The following ABI3BP variants were observed in gnomAD, a reference collection of about 807,000 sequenced individuals.
ABI3BP encodes target of Nesh-SH3.
A neutral mutation model predicts 268.6 loss-of-function variants in ABI3BP; 216 were observed. The observed-to-expected ratio is 0.80, with a 90% CI of 0.72 to 0.90. ABI3BP has a LOEUF of 0.90. ABI3BP is among the 40% of genes least tolerant of loss of function. The pLI is 0.00. For synonymous variants in ABI3BP, 730 were observed against 730.0 expected, an observed-to-expected ratio of 1.00 and a Z score of 0.00; for missense variants, 2,090 against 2,182.4, an observed-to-expected ratio of 0.96 and a Z score of 0.84.
intron 1 of ABI3BP, among the ~76,000 whole-genome samples, chr3:100,972,620 T>C (rs2084148478): frequency 6.6e-6 from 1 of 152,216 alleles, no homozygotes; most frequent in Admixed American, 6.5e-5. Context: ...GAGAGTGAAG[T>C]ATTTAAGTAC....
intron 48 of ABI3BP, among the ~76,000 whole-genome samples, chr3:100,810,746 T>C (rs1053621081): frequency 2.0e-5 from 3 of 152,076 alleles, no homozygotes; most frequent in African/African-American, 7.2e-5. Context: ...ATAGGAATCA[T>C]GAAGGGAAAA....
chr3:100,909,282 G>A (rs915971195), intron 2 of ABI3BP, among the ~76,000 whole-genome samples: 5 of 151,844 alleles, frequency 3.3e-5, no homozygotes, highest in African/African-American at 7.3e-5. Context: ...AGACTGAAAC[G>A]TAAGACCCAA....
intron 4 of ABI3BP, among the ~76,000 whole-genome samples, chr3:100,886,628 A>C (rs1342421649): frequency 6.6e-6 from 1 of 151,948 alleles, no homozygotes; most frequent in Non-Finnish European, 1.5e-5. Context: ...ACTAGAAAAA[A>C]CGTAGATATT....
intron 1 of ABI3BP, among the ~76,000 whole-genome samples, chr3:100,948,957 A>T (rs1200169025): frequency 6.6e-6 from 1 of 152,214 alleles, no homozygotes. Context: ...TTTTTAAAAA[A>T]TTATTCATTT....
chr3:100,758,701 G>A (rs2095770685), intron 63 of ABI3BP, among the ~76,000 whole-genome samples: 14 of 152,140 alleles, frequency 9.2e-5, no homozygotes, highest in Admixed American at 9.2e-4. Context: ...TCAGAAGAGT[G>A]GCATAATAGA....
chr3:100,823,636 T>G (rs2098292027), intron 36 of ABI3BP, 122 bp from the exon 37 acceptor site: 1 of 716,904 alleles, frequency 1.4e-6, no homozygotes, highest in South Asian at 2.1e-5. Context: ...AAAATTAACT[T>G]CTTAACTGAA....
At chr3:100,808,066 A>T (rs1380695755) in intron 50 of ABI3BP, 95 bp downstream of exon 50, 14 of 1,072,194 alleles carry the variant, frequency 1.3e-5, no homozygotes, top group African/African-American at 3.2e-5. Context: ...AGTGTTAAAG[A>T]CTCAATCTGC....
chr3:100,834,561 G>C, intron 29 of ABI3BP, 123 bp downstream of exon 29: 1 of 820,360 alleles, frequency 1.2e-6, no homozygotes, highest in Non-Finnish European at 1.9e-6. Flanking sequence ...GGTAGCAGCT[G>C]CTTTCCATGA....
intron 38 of ABI3BP, among the ~76,000 whole-genome samples, chr3:100,822,076 AC>A (rs1279400066): frequency 6.6e-6 from 1 of 152,028 alleles, no homozygotes; most frequent in Non-Finnish European, 1.5e-5. Context: ...ATATTTACAC[AC>A]CAAGCACATC....
At chr3:100,878,887 A>T (rs1169284163) in intron 6 of ABI3BP, among the ~76,000 whole-genome samples, 1 of 152,142 alleles carries the variant, frequency 6.6e-6, no homozygotes, top group Non-Finnish European at 1.5e-5. Flanking sequence ...TGCTATTTTT[A>T]AAATCATTTC....
At chr3:100,924,964 G>A (rs568677503) in intron 2 of ABI3BP, among the ~76,000 whole-genome samples, 53 of 152,174 alleles carry the variant, frequency 3.5e-4, no homozygotes, top group African/African-American at 1.3e-3. Context: ...CACGGCTTCC[G>A]GTCACTTTTT....
intron 2 of ABI3BP, among the ~76,000 whole-genome samples, chr3:100,904,919 C>T (rs567131635): frequency 4.6e-5 from 7 of 152,038 alleles, no homozygotes; most frequent in Admixed American, 2.6e-4. Context: ...GGGTATATAC[C>T]CAAAGGATTA....
intron 1 of ABI3BP, among the ~76,000 whole-genome samples, chr3:100,938,300 TAA>T (rs35474962): frequency 1.4e-5 from 2 of 144,420 alleles, no homozygotes; most frequent in Non-Finnish European, 3.0e-5. Context: ...ACCTAAAAGT[TAA>T]AAAAAAAAAA....
intron 20 of ABI3BP, chr3:100,844,041 G>A: frequency 1.0e-6 from 1 of 980,282 alleles, no homozygotes; most frequent in Non-Finnish European, 1.2e-6. Context: ...TCTATGTTTA[G>A]TAAAAATAAA....
At chr3:100,957,419 C>T (rs532858729) in intron 1 of ABI3BP, among the ~76,000 whole-genome samples, 55 of 152,200 alleles carry the variant, frequency 3.6e-4, no homozygotes, top group African/African-American at 1.3e-3. Context: ...ACCTGCATGT[C>T]TATTAGAAAG....
At chr3:100,851,504 T>C (rs148734173) in intron 15 of ABI3BP, among the ~76,000 whole-genome samples, 55 of 152,230 alleles carry the variant, frequency 3.6e-4, no homozygotes, top group African/African-American at 1.3e-3. Context: ...TTAGCAAATA[T>C]CCTGGGGAAG....
chr3:100,804,833 G>T lies in ABI3BP; in HGVS notation c.3716C>A (p.Pro1239Gln), dbSNP rs1409610262. ...CACTTCTGGACTTGGTGACGTTTTT[G>T]GTTTTGCAGTAACACGCTGGGGCAC... ...PKVPQRVTAK[P>Q]KTSPSPEVSY... The change falls in exon 51 of 68, where the codon CCA (proline) becomes CAA (glutamine). Residue 1239 changes from proline to glutamine, a missense_variant. By Grantham distance (76) the Pro-to-Gln change is moderately conservative. Transcript: ENST00000471714. 6.2e-7 allele frequency: 1 copy of T among 1,613,092 alleles called. No homozygotes were observed. The highest frequency in any genetic ancestry group is 8.5e-7 in the Non-Finnish European group (1 of 1,179,238).
At chr3:100,807,720 C>T (rs1417735311) in intron 50 of ABI3BP, among the ~76,000 whole-genome samples, 1 of 151,928 alleles carries the variant, frequency 6.6e-6, no homozygotes, top group Admixed American at 6.6e-5. Context: ...GATTAGTGGT[C>T]GCGAAGCTTC....
At chr3:100,828,667 A>G (rs1364303821) in intron 33 of ABI3BP, among the ~76,000 whole-genome samples, 1 of 152,156 alleles carries the variant, frequency 6.6e-6, no homozygotes, top group Non-Finnish European at 1.5e-5. Flanking sequence ...TAGTCAGATA[A>G]TTCAGATAAC....
Sources: allele counts gnomAD v4.1 joint callset (sites outside exome capture counted in the v4.1 genomes callset), GRCh38; gene constraint gnomAD v4.1.1; transcripts MANE v1.5; gene names NCBI Gene and HGNC (gene_info 2026-07-23, HGNC 2026-07-21).